D2HGDH: variants seen among roughly 807,000 people sequenced by gnomAD.
D2HGDH encodes the protein D-2-hydroxyglutarate dehydrogenase.
A neutral mutation model predicts 46.9 loss-of-function variants in D2HGDH; 31 were observed. The observed-to-expected ratio is 0.66, with a 90% confidence interval of 0.50 to 0.89. The LOEUF (loss-of-function observed/expected upper bound fraction) is 0.89. D2HGDH is among the 40% of genes least tolerant of loss of function. The pLI, the probability that D2HGDH is intolerant of heterozygous loss-of-function variation, is 0.00. For synonymous variants in D2HGDH, 364 were observed against 332.6 expected, an observed-to-expected ratio of 1.09 and a Z score of -1.03; for missense variants, 698 against 720.8, an observed-to-expected ratio of 0.97 and a Z score of 0.36.
intron 2 of D2HGDH, among the ~76,000 whole-genome samples, 193 bp downstream of exon 2, chr2:241,735,709 TTTGTTG>T (rs371464681): frequency 6.6e-6 from 1 of 152,084 alleles, no homozygotes; most frequent in Non-Finnish European, 1.5e-5. Context: ...CAACCCAAGT[TTTGTTG>T]TTGTTGTTGT....
chr2:241,748,957 T>A, intron 6 of D2HGDH: 3 of 1,279,682 alleles, frequency 2.3e-6, no homozygotes, highest in Non-Finnish European at 3.1e-6. Flanking sequence ...CAGACAGGAG[T>A]CACTCGCCTC....
chr2:241,750,387 G>T (rs1041680264), intron 7 of D2HGDH, 93 bp downstream of exon 7: 29 of 1,450,474 alleles, frequency 2.0e-5, no homozygotes, highest in Non-Finnish European at 2.7e-5. Flanking sequence ...GGTGGGCGGG[G>T]GGTGCCCGGG....
At chr2:241,764,245 G>A (rs1355186422) in intron 9 of D2HGDH, among the ~76,000 whole-genome samples, 1 of 152,208 alleles carries the variant, frequency 6.6e-6, no homozygotes. Flanking sequence ...CTCCCTGCCT[G>A]GGGTTTGTTC....
intron 6 of D2HGDH, among the ~76,000 whole-genome samples, chr2:241,748,236 T>C (rs931129891): frequency 5.9e-5 from 9 of 152,210 alleles, no homozygotes; most frequent in African/African-American, 2.2e-4. Flanking sequence ...TTCTCCTGCC[T>C]CAGCCTCCCA....
chr2:241,755,836 T>C lies in D2HGDH; in HGVS notation c.1141-13T>C. 1.2e-6 allele frequency: 2 copies of C among 1,611,540 alleles called. No individual in the cohort carries two copies. The highest frequency in any genetic ancestry group is 1.7e-6 in the Non-Finnish European group (2 of 1,178,416). ...CATAGCCAGCCCTTGTCTCATCTCG[T>C]CTCATCCTCTAGATGCTGTGGGCCC... On this transcript the variant is annotated splice_polypyrimidine_tract_variant and intron_variant, in intron 8 of 9. Transcript: ENST00000321264.
At chr2:241,741,332 C>T (rs553483975) in intron 3 of D2HGDH, among the ~76,000 whole-genome samples, 1 of 152,366 alleles carries the variant, frequency 6.6e-6, no homozygotes, top group East Asian at 1.9e-4. Flanking sequence ...AACAGCAAAG[C>T]TCCTCCCCCA....
chr2:241,742,560 T>G lies in D2HGDH; in HGVS notation c.476T>G (p.Phe159Cys). 1 of 1,614,074 alleles carries G rather than the reference T, an allele frequency of 6.2e-7. No individual in the cohort carries two copies. The highest frequency in any genetic ancestry group is 8.5e-7 in the Non-Finnish European group (1 of 1,180,002). The change falls in exon 4 of 10, where the codon TTC (phenylalanine) becomes TGC (cysteine). Residue 159 changes from phenylalanine (F) to cysteine (C), a missense_variant. Physicochemically the swap from Phe to Cys is radical, Grantham distance 205. Coordinates refer to ENST00000321264, the MANE Select transcript of D2HGDH (RefSeq NM_152783.5). The surrounding 1 kb of genome is among the most constrained non-coding windows in gnomAD (Gnocchi z 4.8). Reference protein sequence around the residue: ...STARMNRVLSFHSVSGILVCQ... With the variant: ...STARMNRVLSCHSVSGILVCQ... ...GCCCGCATGAACCGGGTCCTCAGCT[T>G]CCACAGCGTGTCTGGTAAGCCTGTG...
At chr2:241,749,018 G>T in intron 6 of D2HGDH, 1 of 1,028,192 alleles carries the variant, frequency 9.7e-7, no homozygotes, top group Non-Finnish European at 1.2e-6. Flanking sequence ...TGTGAGGATG[G>T]TCCTGGTGTC....
In D2HGDH at chr2:241,742,707, C is replaced by T. The variant is rs1372605438; in HGVS notation, c.490+133C>T. The T allele has an allele frequency of 1.1e-5, 13 of 1,198,214 alleles. No homozygotes were observed. Among genetic ancestry groups the T allele is most frequent in the South Asian group, 5.0e-5 (4 of 79,384 alleles). The allele number at this position is 1,198,214 out of a possible 1,614,324, so 74.2% of individuals were successfully genotyped here. A position where few individuals can be genotyped will look rare whatever the true frequency, so the allele number is the denominator to read the frequency against. On this transcript the variant is annotated intron_variant, in intron 4 of 9. Coordinates refer to ENST00000321264, the MANE Select transcript of D2HGDH (RefSeq NM_152783.5). The surrounding 1 kb of genome is among the most constrained non-coding windows in gnomAD (Gnocchi z 4.8). ...GGGCCGGCGCTGGGGAAAGAACCAG[C>T]GTCTGTAGCCTGGCCGCCTAGCCCC... is the stretch of plus-strand genomic sequence containing the variant.
rs1008693720 is a variant in D2HGDH at position 241,734,660 on chromosome 2, G to C, written c.-128G>C. The C allele has an allele frequency of 6.0e-5, 9 of 151,240 alleles. No individual in the cohort carries two copies. The highest frequency in any genetic ancestry group is 1.9e-4 in the African/African-American group (8 of 41,332). The allele number at this position is 151,240 out of a possible 1,614,324, so 9.4% of individuals were successfully genotyped here. A position where few individuals can be genotyped will look rare whatever the true frequency, so the allele number is the denominator to read the frequency against. ...GGCTCGGCGGCTCTGGGCCTGCGGC[G>C]GGCGCTGCGGGTTGGAGCTCGGGAC... On this transcript the variant is annotated 5_prime_UTR_variant, in exon 1 of 10. Transcript: ENST00000321264.
chr2:241,763,138 C>T (rs541171081), intron 9 of D2HGDH, among the ~76,000 whole-genome samples: 5 of 152,204 alleles, frequency 3.3e-5, no homozygotes, highest in South Asian at 2.1e-4. Flanking sequence ...TGCAGGCCGC[C>T]GTTGCTCGGG....
rs1696884118 is a variant in D2HGDH at position 241,750,142 on chromosome 2, C to G, written c.854-9C>G. The G allele has an allele frequency of 6.2e-7, 1 of 1,613,902 alleles. No homozygotes were observed. The highest frequency in any genetic ancestry group is 8.5e-7 in the Non-Finnish European group (1 of 1,180,022). ...CGTGTGGTGCTTGACATGCTGTGACCCGTTTCAGGCTGCCCAGGCTTTGCT... is the reference window on the plus strand; with the variant it reads ...CGTGTGGTGCTTGACATGCTGTGACGCGTTTCAGGCTGCCCAGGCTTTGCT... On this transcript the variant is annotated splice_polypyrimidine_tract_variant and intron_variant, in intron 6 of 9. Transcript: ENST00000321264.
intron 9 of D2HGDH, among the ~76,000 whole-genome samples, chr2:241,758,729 C>G (rs1360511260): frequency 1.3e-5 from 2 of 151,652 alleles, no homozygotes; most frequent in African/African-American, 2.4e-5. Flanking sequence ...CTGGGCAACA[C>G]AGTGACATCT....
chr2:241,752,476 C>T (rs1325562695), intron 8 of D2HGDH, among the ~76,000 whole-genome samples: 1 of 152,112 alleles, frequency 6.6e-6, no homozygotes, highest in Non-Finnish European at 1.5e-5. Context: ...AATCCCCAGG[C>T]CCCAGGGACC....
rs370039160 is a variant in D2HGDH, at chr2:241,750,306, C to T, written c.997+12C>T. 5 of 1,611,430 alleles carry T rather than the reference C, an allele frequency of 3.1e-6. No homozygotes were observed. The highest frequency in any genetic ancestry group is 1.7e-5 in the Admixed American group (1 of 60,016). On this transcript the variant is annotated intron_variant, in intron 7 of 9. Coordinates refer to ENST00000321264, the MANE Select transcript of D2HGDH (RefSeq NM_152783.5). ...CAGCCCGGTGCAAGGTACTGACCCC[C>T]CACACAGGGGGCAGCTGGTCCTGCA...
intron 8 of D2HGDH, chr2:241,755,616 G>A (rs1352393653): frequency 1.1e-5 from 16 of 1,521,262 alleles, no homozygotes; most frequent in Non-Finnish European, 1.4e-5. Context: ...CAGGGTTGGA[G>A]CCACACCTGG....
chr2:241,768,166 G>C lies in D2HGDH; in HGVS notation c.*197G>C. The C allele has an allele frequency of 2.4e-6, 2 of 835,014 alleles. No homozygotes were observed. Among genetic ancestry groups the C allele is most frequent in the Non-Finnish European group, 3.6e-6 (2 of 553,496 alleles). 51.7% of individuals were successfully genotyped at this position (835,014 alleles called of 1,614,324 possible). ...AGCATCTGGCAGAGTGGGGGGCGTGGCAGGCACCCTCCTTTGCAGGGCGAG... is the reference window on the plus strand; with the variant it reads ...AGCATCTGGCAGAGTGGGGGGCGTGCCAGGCACCCTCCTTTGCAGGGCGAG... On this transcript the variant is annotated 3_prime_UTR_variant, in exon 10 of 10. Coordinates refer to ENST00000321264, the MANE Select transcript of D2HGDH (RefSeq NM_152783.5).
chr2:241,764,655 T>A (rs539447628), intron 9 of D2HGDH, among the ~76,000 whole-genome samples: 67 of 152,328 alleles, frequency 4.4e-4, no homozygotes, highest in African/African-American at 1.6e-3. Flanking sequence ...TTGGGGGAGC[T>A]TTCCTTGGAT....
At chr2:241,740,743 G>A (rs1401616881) in intron 2 of D2HGDH, among the ~76,000 whole-genome samples, 8 of 152,144 alleles carry the variant, frequency 5.3e-5, no homozygotes, top group Admixed American at 3.9e-4. Context: ...TCAGGAGTTC[G>A]AGACCAGCCT....
Sources: allele counts gnomAD v4.1 joint callset (sites outside exome capture counted in the v4.1 genomes callset), GRCh38; gene constraint gnomAD v4.1.1; non-coding constraint Gnocchi (gnomAD v3.1); transcripts MANE v1.5; gene names NCBI Gene and HGNC (gene_info 2026-07-23, HGNC 2026-07-21).